AGTPBP1: variants seen among roughly 807,000 people sequenced by gnomAD.
AGTPBP1 encodes the protein cytosolic carboxypeptidase 1.
In AGTPBP1, 70 loss-of-function variants were observed where a neutral mutation model predicts 143.9. That is an observed-to-expected ratio of 0.49 (90% confidence interval 0.40 to 0.59). AGTPBP1 has a LOEUF of 0.59. Among genes scored for constraint, AGTPBP1 ranks in the 20% least tolerant of loss-of-function variants. The pLI, the probability that AGTPBP1 is intolerant of heterozygous loss-of-function variation, is 0.00. For missense variants in AGTPBP1, 1,229 were observed against 1,464.5 expected (o/e 0.84, Z 2.62); for synonymous variants, 463 against 500.2 (o/e 0.93, Z 0.99).
chr9:85,555,618 G>T (rs904890213), intron 25 of AGTPBP1, among the ~76,000 whole-genome samples: 4 of 152,060 alleles, frequency 2.6e-5, no homozygotes, highest in Admixed American at 2.6e-4. Flanking sequence ...AAAGATAGTT[G>T]ATTTCTCAAC....
chr9:85,607,768 T>C (rs1002375971), intron 17 of AGTPBP1, among the ~76,000 whole-genome samples: 5 of 152,148 alleles, frequency 3.3e-5, no homozygotes, highest in African/African-American at 1.2e-4. Flanking sequence ...ATCACAGATT[T>C]GTAAAATGTT....
At chr9:85,629,283 A>G (rs529131365) in intron 14 of AGTPBP1, among the ~76,000 whole-genome samples, 48 of 152,362 alleles carry the variant, frequency 3.2e-4, no homozygotes, top group African/African-American at 1.1e-3. Context: ...GCCCTAATAT[A>G]TGGAAGAAGC....
intron 23 of AGTPBP1, 133 bp downstream of exon 23, chr9:85,585,330 T>A: frequency 1.0e-6 from 1 of 953,480 alleles, no homozygotes; most frequent in Non-Finnish European, 1.4e-6. Flanking sequence ...GAAAAACTTT[T>A]AAAATGAAAA....
At chr9:85,755,545 T>C in the AGTPBP1 span, among the ~76,000 whole-genome samples, 102 of 152,310 alleles carry the variant, frequency 6.7e-4, no homozygotes, top group Non-Finnish European at 1.2e-3. Flanking sequence ...TGTATTCATT[T>C]ATTCACTTCA....
At chr9:85,805,438 GC>G in the AGTPBP1 span, 1 of 151,840 alleles carries the variant, frequency 6.6e-6, no homozygotes, top group African/African-American at 2.4e-5. Flanking sequence ...CAGCCTGTGG[GC>G]CGACCGCGAC....
intron 2 of AGTPBP1, among the ~76,000 whole-genome samples, chr9:85,707,632 A>G (rs901156281): frequency 6.6e-6 from 1 of 152,226 alleles, no homozygotes; most frequent in African/African-American, 2.4e-5. Flanking sequence ...GAAGAAATGA[A>G]CAAATGCCTT....
chr9:85,756,570 TAGAC>T, the AGTPBP1 span, among the ~76,000 whole-genome samples: 5 of 151,330 alleles, frequency 3.3e-5, no homozygotes, highest in African/African-American at 1.2e-4. Flanking sequence ...GACAGAGAGA[TAGAC>T]AGATAGATAG....
chr9:85,721,909 T>C (rs1469404650), intron 1 of AGTPBP1, among the ~76,000 whole-genome samples: 1 of 152,180 alleles, frequency 6.6e-6, no homozygotes, highest in Admixed American at 6.5e-5. Context: ...GTAAAGGATT[T>C]TATTTCTCCT....
the AGTPBP1 span, among the ~76,000 whole-genome samples, chr9:85,759,180 T>A: frequency 1.1e-3 from 162 of 152,278 alleles, no homozygotes; most frequent in African/African-American, 3.7e-3. Flanking sequence ...TGGGAGACTT[T>A]AACACCCCAC....
rs1835964545 is a variant in AGTPBP1 at position 85,692,776 on chromosome 9, G to A, written c.70C>T (p.Gln24Ter). Residue 24 changes from glutamine (Q) to a stop codon, truncating the protein, a stop_gained, in exon 3 of 26, where the codon CAA (glutamine) becomes TAA (stop). Coordinates refer to ENST00000357081, the MANE Select transcript of AGTPBP1 (RefSeq NM_001330701.2). LOFTEE classifies it high-confidence loss of function. ...GGCTCAGCATTGATCTTCTCCAGTT[G>A]AGCCAGGAGTCCTACGATCCTAGAA... ...NNSRIVGLLAQLEKINAEPSE... is the reference protein window; with the variant it reads ...NNSRIVGLLA 6.2e-7 allele frequency: 1 copy of A among 1,613,844 alleles called. No homozygotes were observed. Among genetic ancestry groups the A allele is most frequent in the Non-Finnish European group, 8.5e-7 (1 of 1,179,950 alleles).
At chr9:85,759,912 T>C in the AGTPBP1 span, among the ~76,000 whole-genome samples, 1 of 151,542 alleles carries the variant, frequency 6.6e-6, no homozygotes, top group African/African-American at 2.4e-5. Context: ...ATCAAATAGA[T>C]GCAATAAAAA....
At position 85,647,471 on chromosome 9, in the gene AGTPBP1, TA is replaced by T. The variant is rs1179688895; in HGVS notation, c.1088-1054del. Among the ~76,000 whole-genome samples the T allele has an allele frequency of 6.6e-5, 10 of 152,120 alleles. No homozygotes were observed. In the South Asian group the frequency reaches 2.1e-3, roughly 32 times the overall value. On this transcript the variant is annotated intron_variant, in intron 11 of 25. Coordinates refer to ENST00000357081, the MANE Select transcript of AGTPBP1 (RefSeq NM_001330701.2). Reference sequence around the variant, plus strand: ...CCAAAGATAAACACTAATGAAGCCATAAACTCCAAAATACTATGGGAAAATG... The same window carrying T: ...CCAAAGATAAACACTAATGAAGCCATAACTCCAAAATACTATGGGAAAATG...
intron 10 of AGTPBP1, among the ~76,000 whole-genome samples, 188 bp from the exon 11 acceptor site, chr9:85,655,508 C>A (rs971699182): frequency 6.6e-6 from 1 of 151,976 alleles, no homozygotes; most frequent in African/African-American, 2.4e-5. Context: ...TAAGTAAGAA[C>A]CCCATGTGGC....
chr9:85,743,385 T>G (rs934634711), upstream of AGTPBP1, among the ~76,000 whole-genome samples: 1 of 152,084 alleles, frequency 6.6e-6, no homozygotes, highest in Non-Finnish European at 1.5e-5. Flanking sequence ...ACAAGATAAA[T>G]AGCAGCATTA....
intron 11 of AGTPBP1, among the ~76,000 whole-genome samples, chr9:85,651,367 C>A (rs1428111047): frequency 6.6e-6 from 1 of 152,100 alleles, no homozygotes; most frequent in Non-Finnish European, 1.5e-5. Flanking sequence ...GTATAATTTT[C>A]ATTTTAGAAA....
chr9:85,744,112 TG>T (rs1472386171), upstream of AGTPBP1, among the ~76,000 whole-genome samples: 1 of 151,858 alleles, frequency 6.6e-6, no homozygotes, highest in Non-Finnish European at 1.5e-5. Flanking sequence ...TAATTGTTTT[TG>T]TAGAGTCGGG....
At chr9:85,637,922 C>A (rs549176586) in intron 13 of AGTPBP1, among the ~76,000 whole-genome samples, 2 of 152,098 alleles carry the variant, frequency 1.3e-5, no homozygotes, top group Non-Finnish European at 2.9e-5. Context: ...TGCAAGTACA[C>A]GCCACTAAAC....
At chr9:85,577,915 C>G (rs915059512) in intron 24 of AGTPBP1, among the ~76,000 whole-genome samples, 5 of 152,122 alleles carry the variant, frequency 3.3e-5, no homozygotes, top group Non-Finnish European at 5.9e-5. Context: ...TAAATGCTAA[C>G]CAGTTAGATG....
rs117535851 is a variant in AGTPBP1, at chr9:85,626,473, G to A, written c.2016-5188C>T. Reference sequence around the variant, plus strand: ...ATTCAGGTAGGGAATGTGATAAGTTGGCAAATAATTCACAAAATGTCATCA... The same window carrying A: ...ATTCAGGTAGGGAATGTGATAAGTTAGCAAATAATTCACAAAATGTCATCA... On this transcript the variant is annotated intron_variant, in intron 14 of 25. Transcript: ENST00000357081. 9.0e-3 allele frequency among the ~76,000 whole-genome samples: 1,368 copies of A among 152,192 alleles called. 11 individuals carry two copies. Among genetic ancestry groups the A allele is most frequent in the South Asian group, 0.017 (84 of 4,820 alleles).
Sources: gnomAD v4.1 joint callset for allele counts (sites outside exome capture counted in the v4.1 genomes callset) on GRCh38, gnomAD v4.1.1 for gene constraint, MANE v1.5 for transcripts, NCBI Gene and HGNC (gene_info 2026-07-23, HGNC 2026-07-21) for gene names.